SLC25A13: variants seen among roughly 807,000 people sequenced by gnomAD.
The protein encoded by SLC25A13 is solute carrier family 25 member 13.
In SLC25A13, 70 loss-of-function variants were observed where a neutral mutation model predicts 85.5. The ratio of observed to expected loss-of-function variants is 0.82; its 90% CI spans 0.68 to 1.00. The LOEUF (loss-of-function observed/expected upper bound fraction) is 1.00, where lower values mean the gene tolerates loss of function less well. Among genes scored for constraint, SLC25A13 ranks in the 50% least tolerant of loss-of-function variants. The pLI, the probability that SLC25A13 is intolerant of heterozygous loss-of-function variation, is 0.00. For missense variants in SLC25A13, 765 were observed against 819.8 expected (o/e 0.93, Z 0.82); for synonymous variants, 259 against 288.7 (o/e 0.90, Z 1.04).
At chr7:96,272,309 G>A (rs1016877462) in intron 3 of SLC25A13, among the ~76,000 whole-genome samples, 1 of 152,116 alleles carries the variant, frequency 6.6e-6, no homozygotes, top group Non-Finnish European at 1.5e-5. Flanking sequence ...TTTTCGCAGA[G>A]AGAGACACAA....
At chr7:96,148,622 G>A (rs1187325310) in intron 13 of SLC25A13, among the ~76,000 whole-genome samples, 1 of 152,178 alleles carries the variant, frequency 6.6e-6, no homozygotes, top group Non-Finnish European at 1.5e-5. Flanking sequence ...TTGTTTTATG[G>A]GGGTAGAATT....
At chr7:96,204,943 C>T (rs1192774948) in intron 5 of SLC25A13, among the ~76,000 whole-genome samples, 1 of 152,160 alleles carries the variant, frequency 6.6e-6, no homozygotes, top group Non-Finnish European at 1.5e-5. Context: ...GGGTCTTGCT[C>T]TGTTGCTCAG....
chr7:96,167,752 C>T (rs948538666), intron 13 of SLC25A13, among the ~76,000 whole-genome samples: 2 of 152,094 alleles, frequency 1.3e-5, no homozygotes, highest in Admixed American at 6.5e-5. Flanking sequence ...TGACTGACTC[C>T]AATTATAGAG....
chr7:96,288,643 G>T (rs1007068337), intron 2 of SLC25A13, among the ~76,000 whole-genome samples: 4 of 152,204 alleles, frequency 2.6e-5, no homozygotes, highest in Admixed American at 1.3e-4. Context: ...CGCTCGGAGG[G>T]TCCCACGCCC....
At chr7:96,250,632 AC>A (rs1797384659) in intron 3 of SLC25A13, among the ~76,000 whole-genome samples, 1 of 152,046 alleles carries the variant, frequency 6.6e-6, no homozygotes, top group Non-Finnish European at 1.5e-5. Flanking sequence ...GAAAAAGTTT[AC>A]AAAAACTAGA....
intron 3 of SLC25A13, among the ~76,000 whole-genome samples, chr7:96,254,035 G>T (rs1562879892): frequency 6.6e-6 from 1 of 152,164 alleles, no homozygotes; most frequent in East Asian, 1.9e-4. Flanking sequence ...GTGTGCGCAT[G>T]TCTGTCTGTC....
At chr7:96,204,166 G>A (rs1468441889) in intron 5 of SLC25A13, among the ~76,000 whole-genome samples, 2 of 152,150 alleles carry the variant, frequency 1.3e-5, no homozygotes, top group African/African-American at 4.8e-5. Context: ...TACAATATGT[G>A]ATAATGATAA....
chr7:96,285,413 T>G (rs2116963955), intron 2 of SLC25A13, among the ~76,000 whole-genome samples: 1 of 152,330 alleles, frequency 6.6e-6, no homozygotes, highest in Admixed American at 6.5e-5. Context: ...CAGCATACTT[T>G]GAGCCAGAGT....
intron 13 of SLC25A13, among the ~76,000 whole-genome samples, chr7:96,163,786 CCTGAGGTAG>C (rs1306589245): frequency 1.3e-5 from 2 of 152,128 alleles, no homozygotes; most frequent in African/African-American, 2.4e-5. Context: ...TTCAGGAGCA[CCTGAGGTAG>C]CTGAGGTCCT....
At chr7:96,218,121 A>G (rs1795968997) in intron 4 of SLC25A13, among the ~76,000 whole-genome samples, 1 of 152,178 alleles carries the variant, frequency 6.6e-6, no homozygotes, top group Non-Finnish European at 1.5e-5. Context: ...AGTCTTAATT[A>G]TAATGAAAAT....
At chr7:96,128,212 CAT>C (rs1352451211) in intron 15 of SLC25A13, among the ~76,000 whole-genome samples, 1 of 152,198 alleles carries the variant, frequency 6.6e-6, no homozygotes, top group Non-Finnish European at 1.5e-5. Flanking sequence ...ACTTCTTAGA[CAT>C]TTTAATTTTG....
At chr7:96,295,233 G>A (rs1799302357) in intron 2 of SLC25A13, among the ~76,000 whole-genome samples, 1 of 152,106 alleles carries the variant, frequency 6.6e-6, no homozygotes, top group South Asian at 2.1e-4. Flanking sequence ...GCACATGCCT[G>A]TAATCCCAGC....
intron 4 of SLC25A13, among the ~76,000 whole-genome samples, chr7:96,225,415 G>A (rs963901211): frequency 5.9e-5 from 9 of 152,050 alleles, no homozygotes; most frequent in Admixed American, 2.0e-4. Flanking sequence ...ACATGGTAGC[G>A]CCACCTGTAG....
intron 11 of SLC25A13, among the ~76,000 whole-genome samples, chr7:96,177,381 T>C (rs1037088931): frequency 1.3e-5 from 2 of 152,248 alleles, no homozygotes; most frequent in African/African-American, 4.8e-5. Context: ...AAAACTTAAA[T>C]GATCCTTAAC....
chr7:96,188,474 G>T (rs1392114288), intron 9 of SLC25A13, among the ~76,000 whole-genome samples: 1 of 152,204 alleles, frequency 6.6e-6, no homozygotes, highest in Non-Finnish European at 1.5e-5. Context: ...CAAACCCAGA[G>T]CTCCATGCCA....
intron 13 of SLC25A13, among the ~76,000 whole-genome samples, chr7:96,151,154 C>T (rs1263600941): frequency 6.6e-6 from 1 of 152,096 alleles, no homozygotes; most frequent in Non-Finnish European, 1.5e-5. Context: ...GGGCATATCA[C>T]ACTTATATGG....
At chr7:96,148,775 T>C (rs1007792369) in intron 13 of SLC25A13, among the ~76,000 whole-genome samples, 11 of 152,018 alleles carry the variant, frequency 7.2e-5, no homozygotes, top group Admixed American at 1.3e-4. Context: ...AGGCATACAA[T>C]GCATATTCAT....
chr7:96,240,068 G>GT (rs1352281001), intron 3 of SLC25A13, among the ~76,000 whole-genome samples: 1 of 152,142 alleles, frequency 6.6e-6, no homozygotes, highest in Non-Finnish European at 1.5e-5. Flanking sequence ...TCACTGTAGC[G>GT]TAACTTTAGG....
At chr7:96,172,037 A>AGT (rs200703412) in intron 11 of SLC25A13, among the ~76,000 whole-genome samples, 2 of 113,012 alleles carry the variant, frequency 1.8e-5, no homozygotes, top group African/African-American at 4.6e-5. Context: ...CCTGTGTCAT[A>AGT]CTGAGAGAGG....
Sources: allele counts gnomAD v4.1 joint callset (sites outside exome capture counted in the v4.1 genomes callset), GRCh38; gene constraint gnomAD v4.1.1; transcripts MANE v1.5; gene names NCBI Gene and HGNC (gene_info 2026-07-23, HGNC 2026-07-21).